Variants in UGT1A8 observed in about 807,000 individuals in gnomAD.
The protein encoded by UGT1A8 is UDP-glucuronosyltransferase 1A8.
A neutral mutation model predicts 45.3 loss-of-function variants in UGT1A8; 39 were observed. The ratio of observed to expected loss-of-function variants is 0.86; its 90% CI spans 0.67 to 1.12. The LOEUF is 1.12. Among genes scored for constraint, UGT1A8 ranks in the 50% most tolerant of loss-of-function variants. UGT1A8 has a pLI of 0.00. For missense variants in UGT1A8, 719 were observed against 664.9 expected, an observed-to-expected ratio of 1.08 and a Z score of -0.90; for synonymous variants, 275 against 249.2, an observed-to-expected ratio of 1.10 and a Z score of -0.97.
At position 233,618,418 on chromosome 2, in the gene UGT1A8, A is replaced by C. The variant is rs1126805; in HGVS notation, c.711A>C (p.Thr237=). ...ALEIASEILQ[T]PVTAYDLYSH... ...AAATAGCCTCTGAAATTCTCCAAAC[A>C]CCTGTCACAGCATATGATCTCTACA... is the stretch of plus-strand genomic sequence containing the variant. Residue 237 remains threonine, a synonymous_variant, in exon 1 of 5, where the codon ACA becomes ACC. Coordinates refer to ENST00000373450, the MANE Select transcript of UGT1A8 (RefSeq NM_019076.5). 2,267 of 1,613,918 alleles carry C rather than the reference A, an allele frequency of 1.4e-3. 48 individuals are homozygous for C. The East Asian group carries it at 0.046, about 33-fold the overall frequency.
At chr2:233,633,620 A>G (rs1191983941) in intron 1 of UGT1A8, among the ~76,000 whole-genome samples, 1 of 152,018 alleles carries the variant, frequency 6.6e-6, no homozygotes, top group Non-Finnish European at 1.5e-5. Context: ...GTATTCTCTG[A>G]TGGTAGTTTG....
chr2:233,686,654 A>G (rs1262274748), intron 1 of UGT1A8, among the ~76,000 whole-genome samples: 1 of 152,090 alleles, frequency 6.6e-6, no homozygotes, highest in Non-Finnish European at 1.5e-5. Context: ...AACATGATAC[A>G]CTACCTCTTT....
chr2:233,700,602 CT>C (rs1319964954), intron 1 of UGT1A8, among the ~76,000 whole-genome samples: 2 of 151,936 alleles, frequency 1.3e-5, no homozygotes, highest in Middle Eastern at 3.2e-3. Context: ...ACAATTCACT[CT>C]TTTTTTGGGG....
At chr2:233,671,965 C>A in intron 1 of UGT1A8, 1 of 1,613,726 alleles carries the variant, frequency 6.2e-7, no homozygotes, top group East Asian at 2.2e-5. Context: ...CAGCCCCCTT[C>A]CTCTATGTGT....
chr2:233,691,612 C>T (rs547462198), intron 1 of UGT1A8: 261 of 985,514 alleles, frequency 2.6e-4, no homozygotes, highest in Non-Finnish European at 3.0e-4. Context: ...GCTCTGGGAC[C>T]GCCCTCAGCA....
chr2:233,677,964 A>G (rs897536316), intron 1 of UGT1A8, among the ~76,000 whole-genome samples: 1 of 152,240 alleles, frequency 6.6e-6, no homozygotes, highest in African/African-American at 2.4e-5. Flanking sequence ...TGTGGAACAC[A>G]TACTCCATGG....
At position 233,684,942 on chromosome 2, in the gene UGT1A8, T is replaced by C. The variant is rs578050971; in HGVS notation, c.855+66380T>C. On this transcript the variant is annotated intron_variant, in intron 1 of 4. Coordinates refer to ENST00000373450, the MANE Select transcript of UGT1A8 (RefSeq NM_019076.5). ...TAGACAACAGGATTCATAGTCTGCA[T>C]TTCATCTGTCTGATGAAAAGAAAGC... Among the ~76,000 whole-genome samples the C allele has an allele frequency of 7.6e-4, 108 of 142,990 alleles. 1 individual carries two copies. Among genetic ancestry groups the C allele is most frequent in the African/African-American group, 2.4e-3 (97 of 40,426 alleles). The allele number at this position is 142,990 out of a possible 152,430, so 93.8% of individuals were successfully genotyped here.
intron 1 of UGT1A8, chr2:233,740,822 C>A (rs1691482429): frequency 1.3e-5 from 2 of 151,840 alleles, no homozygotes; most frequent in Non-Finnish European, 2.9e-5. Flanking sequence ...TGTTTTTGAG[C>A]TGAGACATTT....
At chr2:233,725,411 A>G (rs1339557332) in intron 1 of UGT1A8, among the ~76,000 whole-genome samples, 2 of 151,802 alleles carry the variant, frequency 1.3e-5, no homozygotes, top group Non-Finnish European at 2.9e-5. Context: ...TCTAATACAG[A>G]ATTGTCCAAT....
intron 1 of UGT1A8, among the ~76,000 whole-genome samples, chr2:233,674,314 A>G (rs1464038618): frequency 6.6e-6 from 1 of 152,202 alleles, no homozygotes; most frequent in Non-Finnish European, 1.5e-5. Flanking sequence ...TCTTCACAAG[A>G]CTAGGCTAGG....
chr2:233,637,933 T>C lies in UGT1A8; in HGVS notation c.855+19371T>C, dbSNP rs530669616. Among the ~76,000 whole-genome samples the C allele has an allele frequency of 2.0e-5, 3 of 152,332 alleles. No individual in the cohort carries two copies. In the East Asian group the frequency reaches 5.8e-4, roughly 29 times the overall value. ...TTAATAATTGCATAAAATTCTTTACTTTGGATACAATGTAGTTTTTTAACC... is the reference window on the plus strand; with the variant it reads ...TTAATAATTGCATAAAATTCTTTACCTTGGATACAATGTAGTTTTTTAACC... On this transcript the variant is annotated intron_variant, in intron 1 of 4. Transcript: ENST00000373450.
intron 1 of UGT1A8, among the ~76,000 whole-genome samples, chr2:233,745,434 A>C (rs1034656561): frequency 2.6e-5 from 4 of 151,684 alleles, no homozygotes; most frequent in Non-Finnish European, 4.4e-5. Context: ...TTGTGAGGCA[A>C]TACACTAGTA....
chr2:233,743,134 T>TA (rs919324462), intron 1 of UGT1A8: 10 of 357,158 alleles, frequency 2.8e-5, no homozygotes, highest in East Asian at 7.3e-5. Context: ...CTTTCAATCC[T>TA]AAAAAAAGTC....
chr2:233,685,511 A>G (rs1382133056), intron 1 of UGT1A8, among the ~76,000 whole-genome samples: 1 of 152,220 alleles, frequency 6.6e-6, no homozygotes, highest in Admixed American at 6.5e-5. Context: ...GCAAGAAAAG[A>G]TCTATGCTTT....
At chr2:233,738,846 A>G (rs1431495514) in intron 1 of UGT1A8, 1 of 152,252 alleles carries the variant, frequency 6.6e-6, no homozygotes, top group Admixed American at 6.5e-5. Context: ...AATGTTAATC[A>G]CCAAGACAAT....
chr2:233,658,498 C>T (rs754117145), intron 1 of UGT1A8, among the ~76,000 whole-genome samples: 2 of 152,178 alleles, frequency 1.3e-5, no homozygotes, highest in African/African-American at 2.4e-5. Flanking sequence ...GCCCATCACG[C>T]CCCCTTCATC....
At chr2:233,709,379 A>T (rs1314181850) in intron 1 of UGT1A8, among the ~76,000 whole-genome samples, 1 of 152,092 alleles carries the variant, frequency 6.6e-6, no homozygotes, top group Non-Finnish European at 1.5e-5. Context: ...TCCTAATCTA[A>T]ATTTCTTTTA....
chr2:233,757,244 TG>T (rs1006811310), intron 1 of UGT1A8, among the ~76,000 whole-genome samples: 12 of 99,552 alleles, frequency 1.2e-4, no homozygotes, highest in African/African-American at 4.8e-4. Context: ...GGTGGTGAGG[TG>T]GGGTTATTCA....
At chr2:233,749,597 A>G (rs1694229445) in intron 1 of UGT1A8, among the ~76,000 whole-genome samples, 1 of 151,834 alleles carries the variant, frequency 6.6e-6, no homozygotes, top group South Asian at 2.1e-4. Flanking sequence ...ACATGAAGTC[A>G]CACTAGATTT....
Sources: gnomAD v4.1 joint callset for allele counts (sites outside exome capture counted in the v4.1 genomes callset) on GRCh38, gnomAD v4.1.1 for gene constraint, MANE v1.5 for transcripts, NCBI Gene and HGNC (gene_info 2026-07-23, HGNC 2026-07-21) for gene names.